CHAF1A: variants seen among roughly 807,000 people sequenced by gnomAD.
The protein encoded by CHAF1A is chromatin assembly factor 1 subunit A.
CHAF1A carries 5 observed loss-of-function variants against 93.2 expected under a neutral mutation model. The observed-to-expected ratio is 0.05, with a 90% CI of 0.03 to 0.11. CHAF1A has a LOEUF of 0.11. CHAF1A is among the 10% of genes least tolerant of loss of function. The pLI, the probability that CHAF1A is intolerant of heterozygous loss-of-function variation, is 1.00. For synonymous variants in CHAF1A, 504 were observed against 510.3 expected (o/e 0.99, Z 0.17); for missense variants, 1,102 against 1,259.9 (o/e 0.87, Z 1.90).
At chr19:4,441,742 A>G (rs1392686137) in intron 13 of CHAF1A, among the ~76,000 whole-genome samples, 5 of 151,998 alleles carry the variant, frequency 3.3e-5, no homozygotes, top group Non-Finnish European at 5.9e-5. Flanking sequence ...CGTCTCTACT[A>G]AAAATACAAA....
At chr19:4,445,120 T>C (rs756076182), downstream of CHAF1A, 3 of 241,940 alleles carry the variant, frequency 1.2e-5, no homozygotes, top group Non-Finnish European at 2.5e-5. Flanking sequence ...GCAGCCCTAG[T>C]GCCAGGTGCA....
intron 2 of CHAF1A, among the ~76,000 whole-genome samples, chr19:4,406,643 C>T (rs1417858930): frequency 6.6e-6 from 1 of 152,026 alleles, no homozygotes; most frequent in Non-Finnish European, 1.5e-5. Context: ...CCATGTTGGC[C>T]GGGATGGTCT....
Position 4,425,312 on chromosome 19 carries a change from G to A in CHAF1A, c.1377+1438G>A, listed in dbSNP as rs575036691. Reference sequence around the variant, plus strand: ...GTCACCCATGCTGGAGAGCAGTGGCGCTATCTCTCGGCTCACTCTAACCTT... The same window carrying A: ...GTCACCCATGCTGGAGAGCAGTGGCACTATCTCTCGGCTCACTCTAACCTT... On this transcript the variant is annotated intron_variant, in intron 7 of 14. Coordinates refer to ENST00000301280, the MANE Select transcript of CHAF1A (RefSeq NM_005483.3). Among the ~76,000 whole-genome samples, 101 of 152,168 alleles carry A rather than the reference G, an allele frequency of 6.6e-4. 1 individual carries two copies. Among genetic ancestry groups the A allele is most frequent in the African/African-American group, 2.3e-3 (97 of 41,534 alleles).
chr19:4,433,481 A>T lies in CHAF1A; in HGVS notation c.2615A>T (p.Lys872Met). 6 of 1,597,154 alleles carry T rather than the reference A, an allele frequency of 3.8e-6. No homozygotes were observed. The highest frequency in any genetic ancestry group is 5.1e-6 in the Non-Finnish European group (6 of 1,166,306). Residue 872 changes from lysine to methionine, a missense_variant, in exon 13 of 15, where the codon AAG becomes ATG. Physicochemically the swap from Lys to Met is moderately conservative, Grantham distance 95. Transcript: ENST00000301280. The surrounding 1 kb of genome is among the most constrained non-coding windows in gnomAD (Gnocchi z 5.6). ...SQGTPISLKR[K>M]SAGSMCITQF... ...GGCACTCCCATCTCGCTGAAGAGGA[A>T]GTCAGCGGGCAGCATGTGCATCACC...
intron 13 of CHAF1A, among the ~76,000 whole-genome samples, chr19:4,436,698 T>A (rs1974289569): frequency 1.3e-5 from 2 of 152,104 alleles, no homozygotes; most frequent in Admixed American, 1.3e-4. Context: ...CTCCTCATGC[T>A]CCACACAGTA....
chr19:4,403,008 G>T (rs1031589725), intron 1 of CHAF1A, among the ~76,000 whole-genome samples, 194 bp downstream of exon 1: 1 of 152,216 alleles, frequency 6.6e-6, no homozygotes, highest in Non-Finnish European at 1.5e-5. Context: ...CGTTATTGTT[G>T]TAGCCGCGAC....
intron 3 of CHAF1A, among the ~76,000 whole-genome samples, chr19:4,412,779 A>G (rs1223747612): frequency 6.6e-6 from 1 of 152,206 alleles, no homozygotes. Context: ...GATGCACTTG[A>G]AGGCAATATT....
intron 7 of CHAF1A, among the ~76,000 whole-genome samples, chr19:4,425,277 G>T (rs538260666): frequency 1.4e-4 from 22 of 152,198 alleles, no homozygotes; most frequent in African/African-American, 5.3e-4. Flanking sequence ...TAGAGACGGA[G>T]TATTGCTCTG....
chr19:4,403,733 C>T (rs895462869), intron 1 of CHAF1A, among the ~76,000 whole-genome samples: 1 of 152,256 alleles, frequency 6.6e-6, no homozygotes, highest in African/African-American at 2.4e-5. Context: ...GGGCAGATTC[C>T]GCCTTGGCTG....
intron 3 of CHAF1A, among the ~76,000 whole-genome samples, chr19:4,416,542 C>T (rs1309225223): frequency 6.6e-5 from 10 of 152,126 alleles, no homozygotes. Flanking sequence ...AGGTAGAAGT[C>T]CTAGAAAACC....
At chr19:4,442,717 T>TG (rs1259434562) in intron 14 of CHAF1A, among the ~76,000 whole-genome samples, 1 of 151,948 alleles carries the variant, frequency 6.6e-6, no homozygotes, top group Non-Finnish European at 1.5e-5. Flanking sequence ...GCCCGGGTGG[T>TG]GGGGGGCAGG....
intron 3 of CHAF1A, among the ~76,000 whole-genome samples, chr19:4,415,143 G>A (rs1490441223): frequency 6.6e-6 from 1 of 152,084 alleles, no homozygotes; most frequent in Non-Finnish European, 1.5e-5. Flanking sequence ...CCGGGCTCCA[G>A]CTGGGTAGAA....
In CHAF1A at chr19:4,422,284, G is replaced by A. The variant is rs1315193123; in HGVS notation, c.1018-282G>A. 6.6e-6 allele frequency among the ~76,000 whole-genome samples: 1 copy of A among 151,290 alleles called. No individual in the cohort carries two copies. Among genetic ancestry groups the A allele is most frequent in the East Asian group, 1.9e-4 (1 of 5,140 alleles). ...TTGCCTCGGCCTCCCAAAGTGCTGGGATTACAGGCGTGAACCACCGCGCGC... is the reference window on the plus strand; with the variant it reads ...TTGCCTCGGCCTCCCAAAGTGCTGGAATTACAGGCGTGAACCACCGCGCGC... On this transcript the variant is annotated intron_variant, in intron 4 of 14. Coordinates refer to ENST00000301280, the MANE Select transcript of CHAF1A (RefSeq NM_005483.3). The surrounding 1 kb of genome is among the most constrained non-coding windows in gnomAD (Gnocchi z 4.6).
At chr19:4,424,835 A>G (rs925140872) in intron 7 of CHAF1A, among the ~76,000 whole-genome samples, 3 of 152,166 alleles carry the variant, frequency 2.0e-5, no homozygotes, top group Admixed American at 6.5e-5. Flanking sequence ...GGGTTTTACC[A>G]TGTTGGCTAG....
At position 4,432,200 on chromosome 19, in the gene CHAF1A, C is replaced by T. The variant is rs568115192; in HGVS notation, c.2196C>T (p.Asp732=). Residue 732 remains aspartate (D), a synonymous_variant, in exon 12 of 15, where the codon GAC becomes GAT. Transcript: ENST00000301280. ...TPKASKRERR[D]EQILAQLLPL... is the part of the protein sequence containing the mutation. ...AGGCCTCCAAGCGGGAGAGGAGAGA[C>T]GAGCAGAGTGAGTGTGGGCGGGGCC... 38 of 1,604,506 alleles carry T rather than the reference C, an allele frequency of 2.4e-5. No homozygotes were observed. The East Asian group carries it at 6.3e-4, about 26-fold the overall frequency.
rs2145070820 is a variant in CHAF1A, at chr19:4,409,597, C to T, written c.798C>T (p.Thr266=). 29 of 1,614,116 alleles carry T rather than the reference C, an allele frequency of 1.8e-5. No individual in the cohort carries two copies. Among genetic ancestry groups the T allele is most frequent in the Non-Finnish European group, 2.4e-5 (28 of 1,180,008 alleles). ...LPATPQGKNM[T]PESEVLESFP... is the part of the protein sequence containing the mutation. ...CCACACCCCAAGGCAAGAACATGACCCCTGAGAGTGAGGTGCTGGAATCTT... is the reference window on the plus strand; with the variant it reads ...CCACACCCCAAGGCAAGAACATGACTCCTGAGAGTGAGGTGCTGGAATCTT... The change falls in exon 3 of 15, where the codon ACC becomes ACT. Residue 266 remains threonine, a synonymous_variant. Transcript: ENST00000301280.
downstream of CHAF1A, chr19:4,447,989 G>A: frequency 2.0e-6 from 1 of 509,732 alleles, no homozygotes; most frequent in South Asian, 2.2e-5. Context: ...GGCGTTGGCG[G>A]GCAGCGTGGA....
chr19:4,422,832 C>T lies in CHAF1A; in HGVS notation c.1247+37C>T. The T allele has an allele frequency of 1.9e-6, 3 of 1,593,370 alleles. No homozygotes were observed. Among genetic ancestry groups the T allele is most frequent in the South Asian group, 1.1e-5 (1 of 90,310 alleles). The stretch of plus-strand genomic sequence containing the variant: ...TGGAGGCCATGCTGGGCCCGCCACC[C>T]TGCTGCTGGATTCCGCTCCTGGCCA... On this transcript the variant is annotated intron_variant, in intron 5 of 14. Transcript: ENST00000301280. The surrounding 1 kb of genome is among the most constrained non-coding windows in gnomAD (Gnocchi z 4.6).
rs900321444 is a variant in CHAF1A, at chr19:4,405,624, ATTTT to A, written c.53-279_53-276del. Among the ~76,000 whole-genome samples the A allele has an allele frequency of 9.4e-4, 136 of 144,260 alleles. 1 individual carries two copies. The highest frequency in any genetic ancestry group is 6.5e-3 in the South Asian group (30 of 4,596). The allele number at this position is 144,260 out of a possible 152,430, so 94.6% of individuals were successfully genotyped here. On this transcript the variant is annotated intron_variant, in intron 1 of 14. Transcript: ENST00000301280. ...CTCTGTCTCCAAAAAAAAAAAAAAA[ATTTT>A]TTTTTTTTGGCCCATATAATTCTTC...
Sources: gnomAD v4.1 joint callset for allele counts (sites outside exome capture counted in the v4.1 genomes callset) on GRCh38, gnomAD v4.1.1 for gene constraint, Gnocchi (gnomAD v3.1) non-coding constraint, MANE v1.5 for transcripts, NCBI Gene and HGNC (gene_info 2026-07-23, HGNC 2026-07-21) for gene names.